Variants in LRRC37A2 observed in about 807,000 individuals in gnomAD.
LRRC37A2 encodes the protein leucine rich repeat containing 37 member A2.
Under a neutral mutation model 68.8 loss-of-function variants are expected in LRRC37A2, and 9 were observed. The ratio of observed to expected loss-of-function variants is 0.13; its 90% confidence interval spans 0.08 to 0.23. The LOEUF (loss-of-function observed/expected upper bound fraction) is 0.23, where lower values mean the gene tolerates loss of function less well. Among genes scored for constraint, LRRC37A2 ranks in the 10% least tolerant of loss-of-function variants. LRRC37A2 has a pLI of 1.00. For synonymous variants in LRRC37A2, 63 were observed against 367.6 expected, an observed-to-expected ratio of 0.17 and a Z score of 9.48; for missense variants, 168 against 950.4, an observed-to-expected ratio of 0.18 and a Z score of 10.82.
chr17:46,958,657 C>T, the LRRC37A2 span, among the ~76,000 whole-genome samples: 4 of 152,326 alleles, frequency 2.6e-5, no homozygotes, highest in African/African-American at 9.6e-5. Context: ...CATCGCCCTC[C>T]CACCACTCCC....
chr17:47,027,260 G>C, the LRRC37A2 span, among the ~76,000 whole-genome samples: 1 of 151,750 alleles, frequency 6.6e-6, no homozygotes, highest in Non-Finnish European at 1.5e-5. Context: ...TAAAATCTTT[G>C]AGCTCATAAT....
chr17:46,740,758 TTC>T, the LRRC37A2 span, among the ~76,000 whole-genome samples: 3 of 150,990 alleles, frequency 2.0e-5, no homozygotes, highest in Middle Eastern at 3.4e-3. Flanking sequence ...GCCTCCTGGG[TTC>T]AAGTGATTCT....
chr17:46,938,911 A>G, the LRRC37A2 span: 2 of 1,523,698 alleles, frequency 1.3e-6, no homozygotes, highest in African/African-American at 1.4e-5. Context: ...CTAATTTCCA[A>G]CCTGCTCTGT....
the LRRC37A2 span, among the ~76,000 whole-genome samples, chr17:46,766,114 G>A: frequency 6.6e-6 from 1 of 152,162 alleles, no homozygotes. Context: ...GGCTGATGAA[G>A]AGTACTGATT....
chr17:46,816,115 A>ACC, the LRRC37A2 span, among the ~76,000 whole-genome samples: 2 of 26,346 alleles, frequency 7.6e-5, no homozygotes, highest in East Asian at 0.034. Flanking sequence ...GCGCACGTAC[A>ACC]CACACACACA....
chr17:46,750,530 AT>A, the LRRC37A2 span, among the ~76,000 whole-genome samples: 2 of 152,186 alleles, frequency 1.3e-5, no homozygotes, highest in African/African-American at 4.8e-5. Flanking sequence ...AGCATTTTAG[AT>A]TTCAGACTTT....
chr17:46,781,664 C>T, the LRRC37A2 span, among the ~76,000 whole-genome samples: 5 of 152,166 alleles, frequency 3.3e-5, no homozygotes, highest in East Asian at 1.9e-4. Flanking sequence ...TGGTGATGGT[C>T]ACACAGCATT....
At position 46,528,708 on chromosome 17, in the gene LRRC37A2, G is replaced by C. The variant is rs2053156476; in HGVS notation, c.2906+4824G>C. ...GCACTGCACTCCAGCCTGGGCAACA[G>C]AGTGAGACTTCATCTCAAAAAAAAA... On this transcript the variant is annotated intron_variant, in intron 6 of 14. Transcript: ENST00000576629. 6.2e-6 allele frequency: 4 copies of C among 642,852 alleles called. No individual in the cohort carries two copies. In the Admixed American group the frequency reaches 9.5e-5, roughly 15 times the overall value. The allele number at this position is 642,852 out of a possible 1,614,324, so 39.8% of individuals were successfully genotyped here. A position where few individuals can be genotyped will look rare whatever the true frequency, so the allele number is the denominator to read the frequency against.
the LRRC37A2 span, among the ~76,000 whole-genome samples, chr17:46,805,580 T>C: frequency 6.6e-6 from 1 of 151,762 alleles, no homozygotes; most frequent in Non-Finnish European, 1.5e-5. Context: ...GTCTCAAAAA[T>C]AAATAAAAAT....
chr17:46,822,455 A>G, the LRRC37A2 span, among the ~76,000 whole-genome samples: 1 of 152,218 alleles, frequency 6.6e-6, no homozygotes, highest in East Asian at 1.9e-4. Flanking sequence ...CACACAAAGG[A>G]GCGCAGGTGC....
the LRRC37A2 span, among the ~76,000 whole-genome samples, chr17:46,831,114 G>T: frequency 6.6e-6 from 1 of 152,204 alleles, no homozygotes; most frequent in African/African-American, 2.4e-5. Flanking sequence ...ATAGAGTGGG[G>T]GTAGCATGGA....
chr17:46,967,642 A>G, the LRRC37A2 span, among the ~76,000 whole-genome samples: 1 of 152,136 alleles, frequency 6.6e-6, no homozygotes, highest in Non-Finnish European at 1.5e-5. Flanking sequence ...ATGGAGAGAA[A>G]TACTGGGAAA....
chr17:46,636,862 CT>C, the LRRC37A2 span, among the ~76,000 whole-genome samples: 6 of 145,658 alleles, frequency 4.1e-5, no homozygotes, highest in South Asian at 2.2e-4. Context: ...TTCTTTCTTT[CT>C]TTTTTTTTGA....
intron 6 of LRRC37A2, among the ~76,000 whole-genome samples, chr17:46,534,717 T>A (rs1185165155): frequency 2.0e-5 from 3 of 150,042 alleles, no homozygotes; most frequent in Non-Finnish European, 4.4e-5. Context: ...TGGGTACACC[T>A]CCCAGACGGG....
At chr17:46,424,679 T>C in the LRRC37A2 span, among the ~76,000 whole-genome samples, 3 of 114,542 alleles carry the variant, frequency 2.6e-5, no homozygotes, top group Non-Finnish European at 4.1e-5. Flanking sequence ...TTTTAATACA[T>C]GTATACATTG....
the LRRC37A2 span, among the ~76,000 whole-genome samples, chr17:46,881,420 C>G: frequency 6.6e-6 from 1 of 152,258 alleles, no homozygotes; most frequent in South Asian, 2.1e-4. Context: ...TCTATTTTCT[C>G]TCTTGAACCT....
At chr17:46,751,168 T>C in the LRRC37A2 span, among the ~76,000 whole-genome samples, 3 of 152,146 alleles carry the variant, frequency 2.0e-5, no homozygotes, top group South Asian at 6.2e-4. Flanking sequence ...ATTAAAGGAG[T>C]TTGCTTTGAC....
chr17:47,045,671 T>C, the LRRC37A2 span, among the ~76,000 whole-genome samples: 9 of 149,482 alleles, frequency 6.0e-5, no homozygotes, highest in African/African-American at 1.2e-4. Context: ...TTGTCTCGGT[T>C]ACCTCTTTTG....
At chr17:46,769,960 G>T in the LRRC37A2 span, 2 of 1,612,902 alleles carry the variant, frequency 1.2e-6, no homozygotes, top group Non-Finnish European at 8.5e-7. Context: ...AGCCGCAAAT[G>T]GTGGAGGTGC....
Sources: allele counts gnomAD v4.1 joint callset (sites outside exome capture counted in the v4.1 genomes callset), GRCh38; gene constraint gnomAD v4.1.1; transcripts MANE v1.5; gene names NCBI Gene and HGNC (gene_info 2026-07-23, HGNC 2026-07-21).